Variants in MTREX observed in about 807,000 individuals in gnomAD.
MTREX encodes Mtr4 exosome RNA helicase, also known as exosome RNA helicase MTR4.
A neutral mutation model predicts 135.4 loss-of-function variants in MTREX; 76 were observed. The ratio of observed to expected loss-of-function variants is 0.56; its 90% CI spans 0.47 to 0.68. The LOEUF is 0.68. Among genes scored for constraint, MTREX ranks in the 30% least tolerant of loss-of-function variants. MTREX has a pLI of 0.00. For missense variants in MTREX, 920 were observed against 1,262.1 expected (o/e 0.73, Z 4.11); for synonymous variants, 404 against 401.6 (o/e 1.01, Z -0.07).
At chr5:55,422,118 A>G (rs2111634849) in intron 25 of MTREX, among the ~76,000 whole-genome samples, 1 of 152,344 alleles carries the variant, frequency 6.6e-6, no homozygotes, top group East Asian at 1.9e-4. Context: ...TTCATATATT[A>G]AAAATGAAGT....
intron 16 of MTREX, among the ~76,000 whole-genome samples, chr5:55,374,106 A>G (rs1277242027): frequency 1.3e-5 from 2 of 151,736 alleles, no homozygotes; most frequent in Non-Finnish European, 2.9e-5. Flanking sequence ...AAAAATACAA[A>G]ATTTAGCCAC....
chr5:55,385,459 C>A (rs1750462814), intron 18 of MTREX, among the ~76,000 whole-genome samples: 5 of 152,102 alleles, frequency 3.3e-5, no homozygotes, highest in Admixed American at 3.3e-4. Flanking sequence ...TGTTGACATC[C>A]TGCCCCTCCT....
chr5:55,400,978 A>G (rs1042129072), intron 21 of MTREX, among the ~76,000 whole-genome samples: 7 of 152,180 alleles, frequency 4.6e-5, no homozygotes, highest in African/African-American at 1.7e-4. Flanking sequence ...CTGTCATAGC[A>G]TAAATCAGTA....
At position 55,388,006 on chromosome 5, in the gene MTREX, A is replaced by G. The variant is rs761943706; in HGVS notation, c.2085A>G (p.Val695=). ...PNSGELDPLY[V]VEVLLRCSKE... Reference sequence around the variant, plus strand: ...CTGGTGAACTGGATCCTTTGTATGTAGTAGAAGTACTTCTGCGCTGTAGCA... The same window carrying G: ...CTGGTGAACTGGATCCTTTGTATGTGGTAGAAGTACTTCTGCGCTGTAGCA... Residue 695 remains valine (V), a synonymous_variant, in exon 19 of 27, where the codon GTA becomes GTG. Transcript: ENST00000230640. The G allele has an allele frequency of 6.9e-6, 11 of 1,604,620 alleles. No homozygotes were observed. The highest frequency in any genetic ancestry group is 9.4e-6 in the Non-Finnish European group (11 of 1,173,322).
chr5:55,400,336 CT>C lies in MTREX; in HGVS notation c.2400del (p.Phe800LeufsTer31), dbSNP rs1448499295. 4 of 1,613,090 alleles carry C rather than the reference CT, an allele frequency of 2.5e-6. No homozygotes were observed. The African/African-American group carries it at 4.0e-5, about 16-fold the overall frequency. On this transcript the variant is annotated frameshift_variant, in exon 21 of 27. Coordinates refer to ENST00000230640, the MANE Select transcript of MTREX (RefSeq NM_015360.5). LOFTEE classifies it high-confidence loss of function. ...AAAAAAGTCATTCAGAAAGTAGAAGCTTTTGAGCATCGAATGTATTCTCATC... is the reference window on the plus strand; with the variant it reads ...AAAAAAGTCATTCAGAAAGTAGAAGCTTTGAGCATCGAATGTATTCTCATC... ...GLKKVIQKVE[A>X]FEHRMYSHPL... is the part of the protein sequence containing the mutation.
At chr5:55,385,186 A>G (rs1006309926) in intron 18 of MTREX, among the ~76,000 whole-genome samples, 1 of 152,170 alleles carries the variant, frequency 6.6e-6, no homozygotes, top group Non-Finnish European at 1.5e-5. Context: ...TCTGAGTAAC[A>G]TCACTGCTTT....
intron 20 of MTREX, among the ~76,000 whole-genome samples, chr5:55,399,575 C>T (rs767641129): frequency 6.6e-6 from 1 of 152,204 alleles, no homozygotes; most frequent in Non-Finnish European, 1.5e-5. Flanking sequence ...GCAAGCTCCA[C>T]CTCCCGGGTT....
At chr5:55,393,571 C>T (rs1480868959) in intron 19 of MTREX, among the ~76,000 whole-genome samples, 2 of 152,126 alleles carry the variant, frequency 1.3e-5, no homozygotes, top group African/African-American at 2.4e-5. Flanking sequence ...TTAAAACTTG[C>T]TTCTTATATT....
chr5:55,377,258 C>T (rs1750319759), intron 16 of MTREX, among the ~76,000 whole-genome samples: 1 of 151,974 alleles, frequency 6.6e-6, no homozygotes, highest in South Asian at 2.1e-4. Context: ...ACCCGGGAGG[C>T]AGATCTTGCA....
At chr5:55,358,006 T>A (rs1749948872) in intron 14 of MTREX, among the ~76,000 whole-genome samples, 1 of 152,236 alleles carries the variant, frequency 6.6e-6, no homozygotes, top group Admixed American at 6.5e-5. Flanking sequence ...AAGTCAGAAT[T>A]GATACTTGGT....
chr5:55,369,560 T>C (rs1750161693), intron 16 of MTREX, among the ~76,000 whole-genome samples: 1 of 152,230 alleles, frequency 6.6e-6, no homozygotes, highest in Admixed American at 6.5e-5. Context: ...CCCATTTTTT[T>C]AAAGCCTGTT....
intron 21 of MTREX, among the ~76,000 whole-genome samples, chr5:55,401,437 G>A (rs1750722597): frequency 6.6e-6 from 1 of 152,222 alleles, no homozygotes; most frequent in Admixed American, 6.5e-5. Context: ...TGGCTCTGAT[G>A]AATAATGCTG....
intron 10 of MTREX, 56 bp downstream of exon 10, chr5:55,345,252 A>ACTCTGATAT (rs1435787562): frequency 5.1e-5 from 57 of 1,124,912 alleles, no homozygotes; most frequent in Non-Finnish European, 7.4e-5. Context: ...TATTCAGATT[A>ACTCTGATAT]CTCTGATATT....
intron 12 of MTREX, among the ~76,000 whole-genome samples, chr5:55,350,334 C>G (rs1036951909): frequency 6.6e-6 from 1 of 152,138 alleles, no homozygotes; most frequent in African/African-American, 2.4e-5. Flanking sequence ...TAACATGTTT[C>G]TTGCTATTTG....
chr5:55,344,296 G>A (rs1749696187), intron 8 of MTREX, among the ~76,000 whole-genome samples: 1 of 152,164 alleles, frequency 6.6e-6, no homozygotes, highest in South Asian at 2.1e-4. Context: ...CATGTATTTA[G>A]CCCTGGTTAG....
At chr5:55,408,799 A>G (rs1244454693) in intron 22 of MTREX, among the ~76,000 whole-genome samples, 1 of 152,198 alleles carries the variant, frequency 6.6e-6, no homozygotes, top group Non-Finnish European at 1.5e-5. Context: ...ATCAGAAGAT[A>G]AACACAAAGG....
At chr5:55,385,914 G>T (rs1750471614) in intron 18 of MTREX, among the ~76,000 whole-genome samples, 1 of 152,146 alleles carries the variant, frequency 6.6e-6, no homozygotes, top group Admixed American at 6.5e-5. Context: ...GTTCTTTTAG[G>T]CAAAGATAGA....
At chr5:55,403,015 T>C (rs924734618) in intron 21 of MTREX, among the ~76,000 whole-genome samples, 5 of 151,778 alleles carry the variant, frequency 3.3e-5, no homozygotes. Flanking sequence ...CTGGACAAGA[T>C]GATGAGACCC....
At chr5:55,356,912 G>A in intron 14 of MTREX, 1 of 169,432 alleles carries the variant, frequency 5.9e-6, no homozygotes. Context: ...TGAGGCTTGA[G>A]GTCTTGGTTT....
Sources: gnomAD v4.1 joint callset for allele counts (sites outside exome capture counted in the v4.1 genomes callset) on GRCh38, gnomAD v4.1.1 for gene constraint, MANE v1.5 for transcripts, NCBI Gene and HGNC (gene_info 2026-07-23, HGNC 2026-07-21) for gene names.